The following HMGA2 variants were observed in gnomAD, a reference collection of about 807,000 sequenced individuals.
HMGA2 encodes high mobility group protein HMGI-C.
A neutral mutation model predicts 19.1 loss-of-function variants in HMGA2; 8 were observed. That is an observed-to-expected ratio of 0.42 (90% CI 0.25 to 0.76). The LOEUF is 0.76. Ranked by LOEUF, HMGA2 falls within the 30% of genes least tolerant of loss-of-function variation. The probability of loss-of-function intolerance (pLI) is 0.28; values close to 1 mark genes in which losing one functional copy is unlikely to be tolerated. For missense variants in HMGA2, 109 were observed against 136.3 expected, an observed-to-expected ratio of 0.80 and a Z score of 1.00; for synonymous variants, 60 against 48.8, an observed-to-expected ratio of 1.23 and a Z score of -0.96.
In HMGA2 at chr12:65,838,367, G is replaced by A. The variant is rs1870824187; in HGVS notation, c.199-152G>A. 12 of 645,444 alleles carry A rather than the reference G, an allele frequency of 1.9e-5. 1 individual carries two copies. In the South Asian group the frequency reaches 2.3e-4, roughly 12 times the overall value. The allele number at this position is 645,444 out of a possible 1,614,324, so 40.0% of individuals were successfully genotyped here. A position where few individuals can be genotyped will look rare whatever the true frequency, so the allele number is the denominator to read the frequency against. On this transcript the variant is annotated intron_variant, in intron 2 of 4. Coordinates refer to ENST00000403681, the MANE Select transcript of HMGA2 (RefSeq NM_003483.6). ...GAAATGTGGAAAAAGATTAACCTTA[G>A]AGGAGACGAAGTTTGTTAAAAAAAA...
At chr12:65,872,099 C>A (rs530320558) in intron 3 of HMGA2, among the ~76,000 whole-genome samples, 15 of 152,234 alleles carry the variant, frequency 9.9e-5, no homozygotes, top group African/African-American at 3.4e-4. Flanking sequence ...TCATCCAGTC[C>A]GGAGCCTAGT....
At chr12:65,881,280 TGA>T (rs1167068469) in intron 3 of HMGA2, 1 of 165,586 alleles carries the variant, frequency 6.0e-6, no homozygotes, top group Non-Finnish European at 1.3e-5. Flanking sequence ...CTCCAGAGTT[TGA>T]GAGTTTGGTG....
At chr12:65,940,049 C>G (rs975303894) in intron 3 of HMGA2, among the ~76,000 whole-genome samples, 2 of 151,908 alleles carry the variant, frequency 1.3e-5, no homozygotes, top group East Asian at 3.9e-4. Context: ...ATCATAGATA[C>G]CACAGAATTT....
At chr12:65,940,249 A>T (rs1017720778) in intron 3 of HMGA2, among the ~76,000 whole-genome samples, 4 of 152,218 alleles carry the variant, frequency 2.6e-5, no homozygotes, top group Admixed American at 1.3e-4. Context: ...AGATAGATAG[A>T]TATAGCTATA....
chr12:65,874,343 C>A (rs1302667456), intron 3 of HMGA2, among the ~76,000 whole-genome samples: 1 of 152,028 alleles, frequency 6.6e-6, no homozygotes, highest in Non-Finnish European at 1.5e-5. Flanking sequence ...AAGACTTTGT[C>A]AGTCTTGCTG....
chr12:65,906,301 G>C (rs1185630174), intron 3 of HMGA2, among the ~76,000 whole-genome samples: 4 of 152,162 alleles, frequency 2.6e-5, no homozygotes, highest in African/African-American at 4.8e-5. Context: ...TGGGAGAGGT[G>C]AGGGGACTGT....
At chr12:65,907,155 G>T (rs1874628580) in intron 3 of HMGA2, among the ~76,000 whole-genome samples, 1 of 152,222 alleles carries the variant, frequency 6.6e-6, no homozygotes. Context: ...CCAGCACTTT[G>T]GGAGGCCGAG....
intron 3 of HMGA2, among the ~76,000 whole-genome samples, chr12:65,923,822 C>T (rs150322441): frequency 5.7e-3 from 867 of 152,180 alleles, no homozygotes; most frequent in Middle Eastern, 0.01. Context: ...CCAGCCTGAC[C>T]GACATGGAGA....
At chr12:65,899,083 C>G (rs1184667054) in intron 3 of HMGA2, among the ~76,000 whole-genome samples, 9 of 126,706 alleles carry the variant, frequency 7.1e-5, no homozygotes, top group African/African-American at 2.7e-4. Flanking sequence ...GATGAGGAAA[C>G]TGGGGCTTAG....
chr12:65,837,346 A>G (rs1870777719), intron 2 of HMGA2, among the ~76,000 whole-genome samples: 1 of 152,190 alleles, frequency 6.6e-6, no homozygotes, highest in South Asian at 2.1e-4. Flanking sequence ...CTGTTTGTCA[A>G]CTATCATGTA....
At chr12:65,906,084 C>T (rs1169243069) in intron 3 of HMGA2, among the ~76,000 whole-genome samples, 1 of 152,166 alleles carries the variant, frequency 6.6e-6, no homozygotes, top group Non-Finnish European at 1.5e-5. Context: ...CTATGAATAC[C>T]AATCATAGCT....
chr12:65,917,860 C>G (rs1875165904), intron 3 of HMGA2, among the ~76,000 whole-genome samples: 2 of 152,170 alleles, frequency 1.3e-5, no homozygotes, highest in Admixed American at 6.5e-5. Flanking sequence ...TTGTGTATCT[C>G]TTTAGTACCT....
intron 3 of HMGA2, among the ~76,000 whole-genome samples, chr12:65,908,251 G>T (rs540869210): frequency 2.0e-5 from 3 of 152,260 alleles, no homozygotes; most frequent in Non-Finnish European, 4.4e-5. Context: ...CTGTATACAG[G>T]CTGGGTTTCC....
intron 3 of HMGA2, among the ~76,000 whole-genome samples, chr12:65,921,607 T>C (rs1006032814): frequency 6.7e-6 from 1 of 150,234 alleles, no homozygotes; most frequent in African/African-American, 2.5e-5. Flanking sequence ...AGCCTGACTA[T>C]GTGATAGAAA....
chr12:65,825,499 C>A lies in HMGA2; in HGVS notation c.111+118C>A, dbSNP rs2854597. ...GTCGCCGCGGCCGTCGCACACTGCC[C>A]GCCGGCCGGCCGGGGGGAGCGGCGC... is the stretch of plus-strand genomic sequence containing the variant. On this transcript the variant is annotated intron_variant, in intron 1 of 4. Coordinates refer to ENST00000403681, the MANE Select transcript of HMGA2 (RefSeq NM_003483.6). This position sits in a 1 kb window ranked among gnomAD's most constrained non-coding sequence, Gnocchi z 4.4. The A allele has an allele frequency of 3.1e-5, 17 of 541,832 alleles. No individual in the cohort carries two copies. Among genetic ancestry groups the A allele is most frequent in the East Asian group, 4.4e-5 (1 of 22,568 alleles). The allele number at this position is 541,832 out of a possible 1,614,324, so 33.6% of individuals were successfully genotyped here.
At chr12:65,959,551 G>A (rs533302117) in intron 4 of HMGA2, among the ~76,000 whole-genome samples, 2 of 152,308 alleles carry the variant, frequency 1.3e-5, no homozygotes, top group South Asian at 4.1e-4. Flanking sequence ...GCTTTTCGGT[G>A]TTTAGAGGCC....
intron 3 of HMGA2, among the ~76,000 whole-genome samples, chr12:65,876,580 A>G (rs990923767): frequency 6.6e-6 from 1 of 152,192 alleles, no homozygotes; most frequent in Non-Finnish European, 1.5e-5. Context: ...GTTGTTCTCC[A>G]TTTCTCTTTA....
intron 3 of HMGA2, among the ~76,000 whole-genome samples, chr12:65,888,304 A>G (rs987016548): frequency 1.3e-5 from 2 of 151,524 alleles, no homozygotes; most frequent in African/African-American, 4.8e-5. Flanking sequence ...AAAAATATAA[A>G]AGTTAGCCGG....
intron 1 of HMGA2, chr12:65,826,775 C>T (rs1182099172): frequency 1.5e-5 from 2 of 135,664 alleles, no homozygotes; most frequent in Non-Finnish European, 3.0e-5. Flanking sequence ...TAATTGCCCC[C>T]CCTCCAAAAA....
Sources: gnomAD v4.1 joint callset for allele counts (sites outside exome capture counted in the v4.1 genomes callset) on GRCh38, gnomAD v4.1.1 for gene constraint, Gnocchi (gnomAD v3.1) non-coding constraint, MANE v1.5 for transcripts, NCBI Gene and HGNC (gene_info 2026-07-23, HGNC 2026-07-21) for gene names.